The following LRRN1 variants were observed in gnomAD, a reference collection of about 807,000 sequenced individuals.
LRRN1 encodes leucine-rich repeat neuronal protein 1.
A neutral mutation model predicts 45.8 loss-of-function variants in LRRN1; 14 were observed. That is an observed-to-expected ratio of 0.31 (90% CI 0.20 to 0.48). The LOEUF is 0.48. Ranked by LOEUF, LRRN1 falls within the 20% of genes least tolerant of loss-of-function variation. The pLI is 0.99. For missense variants in LRRN1, 789 were observed against 874.2 expected (o/e 0.90, Z 1.23); for synonymous variants, 359 against 330.1 (o/e 1.09, Z -0.95).
chr3:3,826,449 T>C lies in LRRN1; in HGVS notation c.-278-17915T>C, dbSNP rs188494473. On this transcript the variant is annotated intron_variant, in intron 1 of 1. Coordinates refer to ENST00000319331, the MANE Select transcript of LRRN1 (RefSeq NM_020873.7). Reference sequence around the variant, plus strand: ...AAGCCAAAATTAAGAATTCCTTTCTTGGCGAACATCCTTGTTCTGTTGCCT... The same window carrying C: ...AAGCCAAAATTAAGAATTCCTTTCTCGGCGAACATCCTTGTTCTGTTGCCT... 4.4e-3 allele frequency among the ~76,000 whole-genome samples: 677 copies of C among 152,282 alleles called. 4 individuals carry two copies. Among genetic ancestry groups the C allele is most frequent in the African/African-American group, 0.016 (654 of 41,568 alleles).
chr3:3,836,549 C>T (rs1181711293), intron 1 of LRRN1, among the ~76,000 whole-genome samples: 1 of 151,988 alleles, frequency 6.6e-6, no homozygotes, highest in African/African-American at 2.4e-5. Flanking sequence ...ATGTACACAC[C>T]ACATTTTCGT....
chr3:3,809,418 A>T (rs553301966), intron 1 of LRRN1, among the ~76,000 whole-genome samples: 109 of 152,340 alleles, frequency 7.2e-4, no homozygotes, highest in Non-Finnish European at 1.6e-4. Flanking sequence ...TGCTGGGATT[A>T]CAGGCGTGAG....
intron 1 of LRRN1, among the ~76,000 whole-genome samples, chr3:3,835,758 TG>T (rs962930847): frequency 6.6e-6 from 1 of 152,230 alleles, no homozygotes; most frequent in Admixed American, 6.5e-5. Context: ...CACAATGCTA[TG>T]GGGAAAGTGA....
intron 1 of LRRN1, among the ~76,000 whole-genome samples, chr3:3,802,226 C>T (rs780390184): frequency 3.3e-5 from 5 of 152,210 alleles, no homozygotes; most frequent in Non-Finnish European, 7.3e-5. Context: ...AGCTGCGTGA[C>T]CACACTGCAC....
intron 1 of LRRN1, among the ~76,000 whole-genome samples, chr3:3,843,730 G>A (rs1489718081): frequency 6.6e-6 from 1 of 152,108 alleles, no homozygotes; most frequent in African/African-American, 2.4e-5. Flanking sequence ...CCATGTTGTA[G>A]GATATTAAAT....
intron 1 of LRRN1, among the ~76,000 whole-genome samples, chr3:3,839,496 T>C (rs1256595140): frequency 6.6e-6 from 1 of 152,152 alleles, no homozygotes. Context: ...ATATGAATTT[T>C]AGATTTTTTT....
At position 3,827,469 on chromosome 3, in the gene LRRN1, C is replaced by T. The variant is rs144994498; in HGVS notation, c.-278-16895C>T. 2.1e-3 allele frequency: 957 copies of T among 456,646 alleles called. 5 individuals carry two copies. Among genetic ancestry groups the T allele is most frequent in the African/African-American group, 0.017 (872 of 50,154 alleles). The allele number at this position is 456,646 out of a possible 1,614,324, so 28.3% of individuals were successfully genotyped here. On this transcript the variant is annotated intron_variant, in intron 1 of 1. Transcript: ENST00000319331. ...TCCATCTTGCCTCATGGAGTAGCTACAGGCAATGTTGGTGTTGAGGCAATC... is the reference window on the plus strand; with the variant it reads ...TCCATCTTGCCTCATGGAGTAGCTATAGGCAATGTTGGTGTTGAGGCAATC...
At chr3:3,823,385 G>T (rs1247862830) in intron 1 of LRRN1, among the ~76,000 whole-genome samples, 1 of 151,536 alleles carries the variant, frequency 6.6e-6, no homozygotes, top group Non-Finnish European at 1.5e-5. Flanking sequence ...CTAGCTCCTG[G>T]GGATGTTGTT....
chr3:3,822,360 A>C (rs188981446), intron 1 of LRRN1, among the ~76,000 whole-genome samples: 127 of 152,346 alleles, frequency 8.3e-4, no homozygotes, highest in Non-Finnish European at 1.5e-3. Flanking sequence ...AGGTTAGAAA[A>C]TAACTCATTA....
chr3:3,819,253 C>T (rs1185856950), intron 1 of LRRN1, among the ~76,000 whole-genome samples: 3 of 152,160 alleles, frequency 2.0e-5, no homozygotes, highest in South Asian at 2.1e-4. Flanking sequence ...TCCCAAAGCA[C>T]TGGAATTACA....
At chr3:3,808,596 G>A (rs1692813743) in intron 1 of LRRN1, among the ~76,000 whole-genome samples, 1 of 152,166 alleles carries the variant, frequency 6.6e-6, no homozygotes. Context: ...TAGGGGAAGA[G>A]CTGGTCGGTG....
intron 1 of LRRN1, among the ~76,000 whole-genome samples, chr3:3,803,231 C>T (rs546083785): frequency 6.6e-6 from 1 of 152,120 alleles, no homozygotes; most frequent in Admixed American, 6.5e-5. Flanking sequence ...TGGGAATATA[C>T]TAGGTACTAA....
At chr3:3,815,881 T>G (rs1328772864) in intron 1 of LRRN1, among the ~76,000 whole-genome samples, 2 of 136,020 alleles carry the variant, frequency 1.5e-5, no homozygotes. Context: ...ACTCTAAAAT[T>G]TATTTTATTA....
At chr3:3,808,391 C>G (rs187252057) in intron 1 of LRRN1, among the ~76,000 whole-genome samples, 9 of 152,080 alleles carry the variant, frequency 5.9e-5, no homozygotes, top group African/African-American at 2.2e-4. Context: ...TAAGGCAGAC[C>G]GCAACTAAGT....
intron 1 of LRRN1, among the ~76,000 whole-genome samples, chr3:3,832,857 A>C (rs1376705516): frequency 6.6e-6 from 1 of 152,138 alleles, no homozygotes; most frequent in Non-Finnish European, 1.5e-5. Flanking sequence ...CTTCCTATCA[A>C]TTTCACTTCT....
rs966385469 is a variant in LRRN1, at chr3:3,817,302, A to G, written c.-279+17383A>G. ...TCCTTATTAGAAATAGTCATAAAAA[A>G]TAGTTTAGAAAAGGAATTTGAAATC... is the stretch of plus-strand genomic sequence containing the variant. On this transcript the variant is annotated intron_variant, in intron 1 of 1. Coordinates refer to ENST00000319331, the MANE Select transcript of LRRN1 (RefSeq NM_020873.7). Among the ~76,000 whole-genome samples the G allele has an allele frequency of 5.9e-5, 9 of 152,282 alleles. No individual in the cohort carries two copies. The South Asian group carries it at 8.3e-4, about 14-fold the overall frequency.
chr3:3,846,061 G>A lies in LRRN1; in HGVS notation c.1420G>A (p.Asp474Asn). Residue 474 changes from aspartate to asparagine, a missense_variant, in exon 2 of 2, where the codon GAT becomes AAT. Asp to Asn is a conservative substitution (Grantham distance 23, BLOSUM62 1). Transcript: ENST00000319331. This position sits in a 1 kb window ranked among gnomAD's most constrained non-coding sequence, Gnocchi z 5.7. ...GNKITVETLSDKYKLSSEGTL... is the reference protein window; with the variant it reads ...GNKITVETLSNKYKLSSEGTL... Reference sequence around the variant, plus strand: ...TAAGATAACTGTGGAAACCCTTTCAGATAAATACAAGCTAAGTAGCGAAGG... The same window carrying A: ...TAAGATAACTGTGGAAACCCTTTCAAATAAATACAAGCTAAGTAGCGAAGG... The A allele has an allele frequency of 1.2e-6, 2 of 1,614,096 alleles. No individual in the cohort carries two copies. The highest frequency in any genetic ancestry group is 1.7e-6 in the Non-Finnish European group (2 of 1,180,006).
At chr3:3,817,103 G>A (rs1693003325) in intron 1 of LRRN1, among the ~76,000 whole-genome samples, 1 of 152,102 alleles carries the variant, frequency 6.6e-6, no homozygotes, top group African/African-American at 2.4e-5. Flanking sequence ...TTGTAAGAAT[G>A]TAAGTAAAGC....
chr3:3,842,835 A>G (rs1034009850), intron 1 of LRRN1, among the ~76,000 whole-genome samples: 2 of 152,210 alleles, frequency 1.3e-5, no homozygotes, highest in Non-Finnish European at 2.9e-5. Context: ...TGGATCCATA[A>G]TGGCTTTTTA....
Sources: allele counts gnomAD v4.1 joint callset (sites outside exome capture counted in the v4.1 genomes callset), GRCh38; gene constraint gnomAD v4.1.1; non-coding constraint Gnocchi (gnomAD v3.1); transcripts MANE v1.5; gene names NCBI Gene and HGNC (gene_info 2026-07-23, HGNC 2026-07-21).